TENM4: variants seen among roughly 807,000 people sequenced by gnomAD.
TENM4 encodes teneurin transmembrane protein 4.
Under a neutral mutation model 243.3 loss-of-function variants are expected in TENM4, and 82 were observed. That is an observed-to-expected ratio of 0.34 (90% CI 0.28 to 0.40). TENM4 has a LOEUF of 0.40. TENM4 is among the 10% of genes least tolerant of loss of function. TENM4 has a pLI of 1.00. For missense variants in TENM4, 3,138 were observed against 3,673.3 expected (o/e 0.85, Z 3.77); for synonymous variants, 1,412 against 1,456.3 (o/e 0.97, Z 0.69).
intron 1 of TENM4, among the ~76,000 whole-genome samples, chr11:79,385,150 C>T (rs1858086329): frequency 6.6e-6 from 1 of 152,060 alleles, no homozygotes; most frequent in South Asian, 2.1e-4. Context: ...CAGTGGCTTT[C>T]ACCTTGGATC....
chr11:79,375,023 G>T (rs536780638), intron 1 of TENM4, among the ~76,000 whole-genome samples: 2 of 152,328 alleles, frequency 1.3e-5, no homozygotes, highest in South Asian at 4.1e-4. Flanking sequence ...AGACTGGAAA[G>T]AAATGAGAGA....
At chr11:78,964,448 A>C (rs984424181) in intron 6 of TENM4, among the ~76,000 whole-genome samples, 5 of 152,174 alleles carry the variant, frequency 3.3e-5, no homozygotes, top group African/African-American at 1.2e-4. Context: ...GAAATTCAGC[A>C]AGAAGAATTG....
Position 78,748,160 on chromosome 11 carries a change from T to C in TENM4, c.2756+8645A>G, listed in dbSNP as rs541797639. ...AAAACCTGTATGTATACTAATGCTA[T>C]AGCTAATGCTAATATTAACATTACT... On this transcript the variant is annotated intron_variant, in intron 19 of 33. Transcript: ENST00000278550. 3.3e-5 allele frequency among the ~76,000 whole-genome samples: 5 copies of C among 152,382 alleles called. No homozygotes were observed. The East Asian group carries it at 9.6e-4, about 29-fold the overall frequency.
At position 78,738,388 on chromosome 11, in the gene TENM4, G is replaced by T. The variant is rs1323035283; in HGVS notation, c.2876+63C>A. 3.8e-6 allele frequency: 6 copies of T among 1,560,280 alleles called. No individual in the cohort carries two copies. In the African/African-American group the frequency reaches 8.1e-5, roughly 21 times the overall value. ...TTTCCACATTATCAGTCCAGCAGCA[G>T]CTATATGGCAAGACCACAAGAGCGG... On this transcript the variant is annotated intron_variant, in intron 20 of 33. Coordinates refer to ENST00000278550, the MANE Select transcript of TENM4 (RefSeq NM_001098816.3).
intron 9 of TENM4, among the ~76,000 whole-genome samples, chr11:78,877,798 T>C (rs1392563002): frequency 6.6e-6 from 1 of 152,194 alleles, no homozygotes; most frequent in Non-Finnish European, 1.5e-5. Context: ...ATTCAACACA[T>C]CTTGTTTGCC....
intron 3 of TENM4, among the ~76,000 whole-genome samples, chr11:79,196,077 G>A (rs1239180205): frequency 3.9e-5 from 6 of 152,046 alleles, no homozygotes; most frequent in Non-Finnish European, 8.8e-5. Flanking sequence ...TCTTGCTGCC[G>A]CCATGTTAGA....
At chr11:79,182,632 C>G (rs938948343) in intron 3 of TENM4, among the ~76,000 whole-genome samples, 2 of 151,992 alleles carry the variant, frequency 1.3e-5, no homozygotes, top group African/African-American at 4.8e-5. Context: ...AATGAGAAGA[C>G]AAGCCATAGA....
chr11:79,018,928 G>GGCTT (rs1244122919), intron 6 of TENM4, among the ~76,000 whole-genome samples: 2 of 152,162 alleles, frequency 1.3e-5, no homozygotes, highest in African/African-American at 4.8e-5. Flanking sequence ...GAGGAGAGGA[G>GGCTT]GCTTGCTCCA....
intron 9 of TENM4, among the ~76,000 whole-genome samples, chr11:78,884,922 A>C (rs1057479214): frequency 1.3e-5 from 2 of 152,224 alleles, no homozygotes; most frequent in Non-Finnish European, 2.9e-5. Context: ...CATGATTGTT[A>C]GGAGATTTCA....
chr11:79,297,209 G>C (rs761443343), intron 2 of TENM4, among the ~76,000 whole-genome samples: 10 of 152,170 alleles, frequency 6.6e-5, no homozygotes, highest in Non-Finnish European at 1.0e-4. Context: ...ACTATTCCCA[G>C]AGAAAGACCC....
At chr11:78,757,439 GGA>G (rs1856336627) in intron 18 of TENM4, among the ~76,000 whole-genome samples, 1 of 152,230 alleles carries the variant, frequency 6.6e-6, no homozygotes, top group Admixed American at 6.5e-5. Flanking sequence ...GCCAAGTTAG[GGA>G]GTTTGAATTT....
chr11:78,826,076 CTTTTTTTTTTTTTTTTTT>C (rs59565048), intron 12 of TENM4, among the ~76,000 whole-genome samples: 1 of 115,406 alleles, frequency 8.7e-6, no homozygotes, highest in South Asian at 2.8e-4. Flanking sequence ...AATCCCCCTC[CTTTTTTTTTTTTTTTTTT>C]TTTTTTTTTT....
chr11:78,990,608 C>T (rs764729239), intron 6 of TENM4, among the ~76,000 whole-genome samples: 4 of 152,080 alleles, frequency 2.6e-5, no homozygotes, highest in Admixed American at 6.5e-5. Flanking sequence ...ATAAAGTATA[C>T]GATTCCATGT....
At chr11:79,330,426 G>A (rs913574006) in intron 1 of TENM4, among the ~76,000 whole-genome samples, 2 of 152,160 alleles carry the variant, frequency 1.3e-5, no homozygotes, top group African/African-American at 2.4e-5. Flanking sequence ...AGGGGGAAAA[G>A]CACACCCACT....
At chr11:79,127,062 C>G (rs1235712440) in intron 4 of TENM4, among the ~76,000 whole-genome samples, 1 of 152,152 alleles carries the variant, frequency 6.6e-6, no homozygotes, top group Non-Finnish European at 1.5e-5. Flanking sequence ...TGGGTTCCCC[C>G]ACTCATCCTG....
intron 12 of TENM4, among the ~76,000 whole-genome samples, chr11:78,847,994 C>G (rs571410): frequency 0.46 from 70,223 of 151,952 alleles, 17,222 homozygotes; most frequent in Middle Eastern, 0.59. Flanking sequence ...CATGAAGGAC[C>G]CAATTTTGGT....
chr11:79,186,538 T>C (rs558989991), intron 3 of TENM4, among the ~76,000 whole-genome samples: 1 of 152,326 alleles, frequency 6.6e-6, no homozygotes, highest in Non-Finnish European at 1.5e-5. Context: ...TGGCTAACTT[T>C]CCTCTTCTTA....
intron 1 of TENM4, among the ~76,000 whole-genome samples, chr11:79,356,085 G>A (rs543594940): frequency 3.3e-5 from 5 of 152,272 alleles, no homozygotes; most frequent in Admixed American, 3.3e-4. Flanking sequence ...TCAGTGGTCA[G>A]GATGATGACC....
At chr11:78,761,562 A>G (rs1213331499) in intron 18 of TENM4, among the ~76,000 whole-genome samples, 1 of 152,126 alleles carries the variant, frequency 6.6e-6, no homozygotes, top group African/African-American at 2.4e-5. Flanking sequence ...TGATTACGTC[A>G]GCTGGCCACC....
Sources: allele counts gnomAD v4.1 joint callset (sites outside exome capture counted in the v4.1 genomes callset), GRCh38; gene constraint gnomAD v4.1.1; transcripts MANE v1.5; gene names NCBI Gene and HGNC (gene_info 2026-07-23, HGNC 2026-07-21).